Variants in ADAMTSL1 observed in about 807,000 individuals in gnomAD.
ADAMTSL1 encodes ADAMTS like 1, also known as ADAMTS-like protein 1.
ADAMTSL1 carries 126 observed loss-of-function variants against 201.8 expected under a neutral mutation model. The observed-to-expected ratio is 0.62, with a 90% CI of 0.54 to 0.72. The LOEUF (loss-of-function observed/expected upper bound fraction) is 0.72, where lower values mean the gene tolerates loss of function less well. ADAMTSL1 is among the 30% of genes least tolerant of loss of function. The pLI is 0.00. For synonymous variants in ADAMTSL1, 1,121 were observed against 903.4 expected (o/e 1.24, Z -4.32); for missense variants, 2,679 against 2,277.8 (o/e 1.18, Z -3.59).
Position 18,116,307 on chromosome 9 carries a change from C to T in ADAMTSL1, c.88-47555C>T, listed in dbSNP as rs191015361. Among the ~76,000 whole-genome samples the T allele has an allele frequency of 2.4e-4, 36 of 152,210 alleles. No homozygotes were observed. The East Asian group carries it at 7.0e-3, about 29-fold the overall frequency. On this transcript the variant is annotated intron_variant, in intron 1 of 29. Coordinates refer to the ADAMTSL1 transcript ENST00000680146. ...AGTAGCTTCAAGAGATGGTAAGAAGCAGAAAGTCAGGATGTGTAAGCAATG... is the reference window on the plus strand; with the variant it reads ...AGTAGCTTCAAGAGATGGTAAGAAGTAGAAAGTCAGGATGTGTAAGCAATG...
At chr9:18,705,996 G>A (rs186052883) in intron 13 of ADAMTSL1, among the ~76,000 whole-genome samples, 1 of 152,170 alleles carries the variant, frequency 6.6e-6, no homozygotes, top group Non-Finnish European at 1.5e-5. Flanking sequence ...GCTAGCTGAC[G>A]AGCAAAGTGA....
chr9:18,844,174 T>A (rs1825930297), intron 23 of ADAMTSL1, among the ~76,000 whole-genome samples: 1 of 152,190 alleles, frequency 6.6e-6, no homozygotes, highest in Non-Finnish European at 1.5e-5. Flanking sequence ...TTTTATCTAC[T>A]TTTGGTCTTT....
intron 2 of ADAMTSL1, among the ~76,000 whole-genome samples, chr9:18,327,548 T>C (rs537241911): frequency 5.3e-5 from 8 of 152,332 alleles, no homozygotes; most frequent in African/African-American, 1.9e-4. Flanking sequence ...TTTGTAGATG[T>C]AGATACTATA....
At chr9:18,031,160 A>G (rs1469733757) in intron 1 of ADAMTSL1, among the ~76,000 whole-genome samples, 1 of 152,146 alleles carries the variant, frequency 6.6e-6, no homozygotes. Flanking sequence ...TCTATGCTTC[A>G]GACATTTGAA....
At position 18,379,796 on chromosome 9, in the gene ADAMTSL1, T is replaced by A. The variant is rs143528269; in HGVS notation, c.208-125033T>A. ...AACAAAAAAGAAAAGGCACAATTACTGTAAGAAGGTGTAAAAGTGAGTGAG... is the reference window on the plus strand; with the variant it reads ...AACAAAAAAGAAAAGGCACAATTACAGTAAGAAGGTGTAAAAGTGAGTGAG... On this transcript the variant is annotated intron_variant, in intron 2 of 29. Transcript: ENST00000680146. Among the ~76,000 whole-genome samples, 974 of 152,340 alleles carry A rather than the reference T, an allele frequency of 6.4e-3. 9 individuals are homozygous for A. The highest frequency in any genetic ancestry group is 0.01 in the Non-Finnish European group (713 of 68,032).
intron 7 of ADAMTSL1, among the ~76,000 whole-genome samples, chr9:18,642,477 C>T (rs995389188): frequency 2.0e-5 from 3 of 151,896 alleles, no homozygotes; most frequent in Non-Finnish European, 4.4e-5. Context: ...TTCACAAATA[C>T]AATACATTGT....
chr9:18,694,769 C>T (rs1831449750), intron 13 of ADAMTSL1, among the ~76,000 whole-genome samples: 1 of 152,196 alleles, frequency 6.6e-6, no homozygotes, highest in Non-Finnish European at 1.5e-5. Flanking sequence ...CTTCTCACAG[C>T]TCCACTAGGC....
At chr9:18,392,059 C>T (rs987702093) in intron 2 of ADAMTSL1, among the ~76,000 whole-genome samples, 2 of 151,848 alleles carry the variant, frequency 1.3e-5, no homozygotes, top group African/African-American at 2.4e-5. Flanking sequence ...CTCCTGACCT[C>T]GTGATCCGCC....
chr9:18,074,392 T>G lies in ADAMTSL1; in HGVS notation c.88-89470T>G, dbSNP rs192749296. Among the ~76,000 whole-genome samples, 5 of 152,324 alleles carry G rather than the reference T, an allele frequency of 3.3e-5. No individual in the cohort carries two copies. The East Asian group carries it at 9.7e-4, about 29-fold the overall frequency. ...GAAACGAAGAGTATGTTGTCTGTTC[T>G]CAGGTGACCCTGGAGGAAAGGACTC... is the stretch of plus-strand genomic sequence containing the variant. On this transcript the variant is annotated intron_variant, in intron 1 of 29. Coordinates refer to the ADAMTSL1 transcript ENST00000680146.
upstream of ADAMTSL1, among the ~76,000 whole-genome samples, chr9:18,469,204 T>C (rs1377478235): frequency 1.3e-5 from 2 of 152,212 alleles, no homozygotes; most frequent in African/African-American, 2.4e-5. Flanking sequence ...TAAATATGCA[T>C]TGACATCTCC....
At chr9:18,373,596 C>T (rs1837149226) in intron 2 of ADAMTSL1, among the ~76,000 whole-genome samples, 1 of 151,962 alleles carries the variant, frequency 6.6e-6, no homozygotes, top group African/African-American at 2.4e-5. Flanking sequence ...CCATTATCTG[C>T]CAACAGGGGC....
intron 23 of ADAMTSL1, among the ~76,000 whole-genome samples, chr9:18,847,290 C>T (rs7873628): frequency 0.32 from 48,025 of 151,932 alleles, 7,675 homozygotes; most frequent in East Asian, 0.51. Context: ...ACTGCTCAAG[C>T]TCAGCCTCAA....
intron 14 of ADAMTSL1, among the ~76,000 whole-genome samples, chr9:18,710,893 A>G (rs757736331): frequency 9.2e-5 from 14 of 152,086 alleles, no homozygotes; most frequent in South Asian, 2.1e-4. Flanking sequence ...CCTTGTGACC[A>G]ATTCCATATG....
chr9:17,942,536 A>G (rs1827282183), intron 1 of ADAMTSL1, among the ~76,000 whole-genome samples: 2 of 152,186 alleles, frequency 1.3e-5, no homozygotes, highest in South Asian at 4.1e-4. Flanking sequence ...TTATAGCTGA[A>G]AAATGATTGG....
At chr9:18,384,604 G>T (rs1205650847) in intron 2 of ADAMTSL1, among the ~76,000 whole-genome samples, 1 of 152,098 alleles carries the variant, frequency 6.6e-6, no homozygotes, top group Admixed American at 6.6e-5. Flanking sequence ...CTGCCCCACC[G>T]GGATGTGTAT....
intron 23 of ADAMTSL1, among the ~76,000 whole-genome samples, chr9:18,874,619 A>T (rs1264981270): frequency 2.6e-5 from 4 of 152,162 alleles, no homozygotes; most frequent in Non-Finnish European, 5.9e-5. Context: ...CATCCCTGGT[A>T]TGAAACTTAA....
At chr9:18,770,239 C>G (rs975133072) in intron 16 of ADAMTSL1, among the ~76,000 whole-genome samples, 2 of 152,182 alleles carry the variant, frequency 1.3e-5, no homozygotes, top group Admixed American at 1.3e-4. Context: ...CTGGAAGCAG[C>G]ACAGATTATT....
chr9:18,188,831 G>C (rs141484498), intron 2 of ADAMTSL1, among the ~76,000 whole-genome samples: 18 of 152,240 alleles, frequency 1.2e-4, no homozygotes, highest in African/African-American at 3.9e-4. Flanking sequence ...TTAATTTGCT[G>C]AACACCGTTA....
rs370844113 is a variant in ADAMTSL1, at chr9:18,504,972, G to A, written c.191+16G>A. 3 of 1,594,766 alleles carry A rather than the reference G, an allele frequency of 1.9e-6. No homozygotes were observed. Among genetic ancestry groups the A allele is most frequent in the Middle Eastern group, 1.7e-4 (1 of 5,890 alleles). On this transcript the variant is annotated intron_variant, in intron 2 of 28. Transcript: ENST00000380548. ...TGAGCAGCAAGTAAGTCCTGCACCC[G>A]TTGGGGGTCTTTGTGAGAACCAGAG...
Sources: gnomAD v4.1 joint callset for allele counts (sites outside exome capture counted in the v4.1 genomes callset) on GRCh38, gnomAD v4.1.1 for gene constraint, MANE v1.5 for transcripts, NCBI Gene and HGNC (gene_info 2026-07-23, HGNC 2026-07-21) for gene names.